The following KIF16B variants were observed in gnomAD, a reference collection of about 807,000 sequenced individuals.
The protein encoded by KIF16B is kinesin-like protein KIF16B.
Under a neutral mutation model 156.3 loss-of-function variants are expected in KIF16B, and 98 were observed. The ratio of observed to expected loss-of-function variants is 0.63; its 90% CI spans 0.53 to 0.74. The LOEUF (loss-of-function observed/expected upper bound fraction) is 0.74, where lower values mean the gene tolerates loss of function less well. Among genes scored for constraint, KIF16B ranks in the 30% least tolerant of loss-of-function variants. The pLI is 0.00. For missense variants in KIF16B, 1,421 were observed against 1,606.5 expected (o/e 0.88, Z 1.97); for synonymous variants, 564 against 583.7 (o/e 0.97, Z 0.49).
chr20:16,311,798 G>A (rs987007384), intron 25 of KIF16B, among the ~76,000 whole-genome samples: 1 of 152,198 alleles, frequency 6.6e-6, no homozygotes, highest in Non-Finnish European at 1.5e-5. Context: ...TCAACAATGT[G>A]CATTGGCAGT....
In KIF16B at chr20:16,381,614, C is replaced by T. The variant is rs577111584; in HGVS notation, c.1838+80G>A. The T allele has an allele frequency of 2.7e-5, 28 of 1,038,756 alleles. No homozygotes were observed. In the East Asian group the frequency reaches 7.1e-4, roughly 26 times the overall value. The allele number at this position is 1,038,756 out of a possible 1,614,324, so 64.3% of individuals were successfully genotyped here. On this transcript the variant is annotated intron_variant, in intron 18 of 25. Coordinates refer to ENST00000354981, the MANE Select transcript of KIF16B (RefSeq NM_024704.5). ...AGCAAGGGGGAAGTATTGAAGCAGA[C>T]ACAGATGGAATCAGTCCAGGATATT...
chr20:16,430,835 CTGTG>C (rs1292626709), intron 12 of KIF16B, among the ~76,000 whole-genome samples: 1 of 145,122 alleles, frequency 6.9e-6, no homozygotes, highest in Admixed American at 6.8e-5. Context: ...TATGAGTATA[CTGTG>C]TGTGTGTATG....
At chr20:16,316,916 C>G (rs376168951) in intron 24 of KIF16B, among the ~76,000 whole-genome samples, 53 of 152,140 alleles carry the variant, frequency 3.5e-4, no homozygotes, top group African/African-American at 1.2e-3. Flanking sequence ...AACCGAACAC[C>G]AAAAAATCTC....
chr20:16,534,560 G>A (rs1255047604), intron 1 of KIF16B, among the ~76,000 whole-genome samples: 2 of 152,262 alleles, frequency 1.3e-5, no homozygotes, highest in Non-Finnish European at 2.9e-5. Context: ...CTGTGCTTCT[G>A]AAGTCTCATC....
chr20:16,413,468 A>G (rs1242244160), intron 15 of KIF16B, among the ~76,000 whole-genome samples: 1 of 152,136 alleles, frequency 6.6e-6, no homozygotes, highest in Non-Finnish European at 1.5e-5. Context: ...TAATTCTGCT[A>G]CTGCACAAAT....
intron 1 of KIF16B, among the ~76,000 whole-genome samples, chr20:16,566,387 TA>T (rs898596551): frequency 6.6e-6 from 1 of 152,074 alleles, no homozygotes; most frequent in African/African-American, 2.4e-5. Flanking sequence ...AAATGGTAAA[TA>T]AAAGTTCACC....
intron 12 of KIF16B, among the ~76,000 whole-genome samples, chr20:16,432,713 G>A (rs764154075): frequency 1.3e-5 from 2 of 152,070 alleles, no homozygotes; most frequent in African/African-American, 2.4e-5. Context: ...GAAGTCATGC[G>A]AGAGGGCGGT....
At chr20:16,367,195 T>C (rs746934784) in intron 22 of KIF16B, 12 of 1,611,464 alleles carry the variant, frequency 7.4e-6, no homozygotes, top group East Asian at 4.5e-5. Flanking sequence ...ATCTTGAGAA[T>C]TGAAAGTAAG....
chr20:16,503,693 A>C (rs1205812301), intron 10 of KIF16B, among the ~76,000 whole-genome samples: 6 of 152,232 alleles, frequency 3.9e-5, no homozygotes, highest in Admixed American at 3.9e-4. Context: ...GCCTTTCTTC[A>C]CAGCAATATC....
rs148272885 is a variant in KIF16B at position 16,356,147 on chromosome 20, T to C, written c.3621+183A>G. On this transcript the variant is annotated intron_variant, in intron 23 of 25. Transcript: ENST00000354981. ...TGCCTTACTAACACCTTCTATGAGG[T>C]ACCTTCCTTCCATGTGTTACAGTCA... Among the ~76,000 whole-genome samples the C allele has an allele frequency of 2.6e-5, 4 of 152,310 alleles. No homozygotes were observed. In the East Asian group the frequency reaches 7.7e-4, roughly 29 times the overall value.
chr20:16,429,957 T>A lies in KIF16B; in HGVS notation c.1328A>T (p.Glu443Val). 1 of 1,612,430 alleles carries A rather than the reference T, an allele frequency of 6.2e-7. No individual in the cohort carries two copies. Among genetic ancestry groups the A allele is most frequent in the Non-Finnish European group, 8.5e-7 (1 of 1,179,248 alleles). ...AGAATCCAAAACAACTCCAATCCCTTCTTTCCTGAGGGCTAGAGTTTGTTC... is the reference window on the plus strand; with the variant it reads ...AGAATCCAAAACAACTCCAATCCCTACTTTCCTGAGGGCTAGAGTTTGTTC... ...LKEQTLALRKEGIGVVLDSEL... is the reference protein window; with the variant it reads ...LKEQTLALRKVGIGVVLDSEL... Residue 443 changes from glutamate to valine, a missense_variant, in exon 13 of 26, where the codon GAA becomes GTA. Glu to Val is a moderately radical substitution (Grantham distance 121, BLOSUM62 -2). Coordinates refer to ENST00000354981, the MANE Select transcript of KIF16B (RefSeq NM_024704.5).
intron 15 of KIF16B, among the ~76,000 whole-genome samples, chr20:16,412,015 C>G (rs915178571): frequency 1.3e-5 from 2 of 148,334 alleles, no homozygotes; most frequent in East Asian, 4.0e-4. Context: ...GGAAAGAAAC[C>G]TGAGACAAAA....
At chr20:16,431,911 T>TACACACACACACAC (rs1360937595) in intron 12 of KIF16B, among the ~76,000 whole-genome samples, 23 of 58,408 alleles carry the variant, frequency 3.9e-4, no homozygotes, top group African/African-American at 1.8e-3. Context: ...TATGTATACG[T>TACACACACACACAC]ATACACACAC....
At chr20:16,370,219 T>C (rs1038031250) in intron 22 of KIF16B, among the ~76,000 whole-genome samples, 1 of 152,210 alleles carries the variant, frequency 6.6e-6, no homozygotes, top group African/African-American at 2.4e-5. Flanking sequence ...TCCTTTATAC[T>C]ACTACCAACT....
At chr20:16,507,855 C>G (rs1368503915) in intron 7 of KIF16B, 103 bp downstream of exon 7, 2 of 1,250,026 alleles carry the variant, frequency 1.6e-6, no homozygotes, top group Non-Finnish European at 2.3e-6. Context: ...GTCACCTTTA[C>G]CTGCTGCTGC....
intron 12 of KIF16B, among the ~76,000 whole-genome samples, chr20:16,494,022 T>C (rs1259251859): frequency 1.3e-5 from 2 of 152,118 alleles, no homozygotes; most frequent in Non-Finnish European, 2.9e-5. Context: ...GAGTCAAAAA[T>C]GGAAAAACCC....
Position 16,379,129 on chromosome 20 carries a change from T to A in KIF16B, c.2873A>T (p.Gln958Leu), listed in dbSNP as rs374838441. The change falls in exon 19 of 26, where the codon CAG (glutamine) becomes CTG (leucine). Residue 958 changes from glutamine (Q) to leucine (L), a missense_variant. Gln to Leu is a moderately radical substitution (Grantham distance 113). Transcript: ENST00000354981. ...EMEEKEEQLA[Q>L]YQANANQLQK... Reference sequence around the variant, plus strand: ...CAGCTGGTTTGCATTGGCCTGGTACTGTGCAAGCTGTTCTTCTTTTTCTTC... The same window carrying A: ...CAGCTGGTTTGCATTGGCCTGGTACAGTGCAAGCTGTTCTTCTTTTTCTTC... The A allele has an allele frequency of 1.2e-6, 2 of 1,614,140 alleles. No homozygotes were observed. The highest frequency in any genetic ancestry group is 2.7e-5 in the African/African-American group (2 of 74,944).
At chr20:16,477,216 A>G (rs1421979312) in intron 12 of KIF16B, among the ~76,000 whole-genome samples, 2 of 150,334 alleles carry the variant, frequency 1.3e-5, no homozygotes, top group South Asian at 4.2e-4. Flanking sequence ...CTTAAAAAAA[A>G]AAAAAGGTGG....
intron 12 of KIF16B, among the ~76,000 whole-genome samples, chr20:16,431,979 C>G (rs2066516478): frequency 6.6e-6 from 1 of 150,742 alleles, no homozygotes; most frequent in Non-Finnish European, 1.5e-5. Flanking sequence ...GAATGTAACC[C>G]AGCACCTAAT....
Sources: allele counts gnomAD v4.1 joint callset (sites outside exome capture counted in the v4.1 genomes callset), GRCh38; gene constraint gnomAD v4.1.1; transcripts MANE v1.5; gene names NCBI Gene and HGNC (gene_info 2026-07-23, HGNC 2026-07-21).